Variants in DGKI observed in about 807,000 individuals in gnomAD.
The protein encoded by DGKI is DAG kinase iota.
DGKI carries 55 observed loss-of-function variants against 147.5 expected under a neutral mutation model. The observed-to-expected ratio is 0.37, with a 90% CI of 0.30 to 0.47. The LOEUF is 0.47. Among genes scored for constraint, DGKI ranks in the 20% least tolerant of loss-of-function variants. DGKI has a pLI of 1.00. For synonymous variants in DGKI, 469 were observed against 477.1 expected (o/e 0.98, Z 0.22); for missense variants, 1,007 against 1,323.8 (o/e 0.76, Z 3.71).
intron 1 of DGKI, among the ~76,000 whole-genome samples, chr7:137,782,520 T>C (rs1301045291): frequency 6.6e-6 from 1 of 152,128 alleles, no homozygotes; most frequent in Non-Finnish European, 1.5e-5. Context: ...CCTAGCCTGG[T>C]AGCCAAAGAC....
At chr7:137,493,655 G>A (rs1377381226) in intron 21 of DGKI, 2 of 677,712 alleles carry the variant, frequency 3.0e-6, no homozygotes, top group Non-Finnish European at 5.3e-6. Flanking sequence ...GAAAATGAAA[G>A]CAAACAAAAA....
chr7:137,844,671 G>C (rs945565564), intron 1 of DGKI, among the ~76,000 whole-genome samples: 1 of 152,202 alleles, frequency 6.6e-6, no homozygotes, highest in African/African-American at 2.4e-5. Context: ...GTCTATGCTT[G>C]TGTGTGTACA....
intron 1 of DGKI, among the ~76,000 whole-genome samples, chr7:137,729,719 G>A (rs1477380744): frequency 2.0e-5 from 3 of 151,882 alleles, no homozygotes; most frequent in African/African-American, 4.8e-5. Context: ...CAAAAACAAT[G>A]GATATGTTTC....
At chr7:137,408,855 G>A (rs1360862211) in intron 29 of DGKI, among the ~76,000 whole-genome samples, 2 of 152,186 alleles carry the variant, frequency 1.3e-5, no homozygotes, top group African/African-American at 4.8e-5. Context: ...TGACAAGAGT[G>A]CCTGCATGAA....
In DGKI at chr7:137,846,908, C is replaced by A; in HGVS notation, c.-46G>T. ...GGCATTGTGGGAAACTCCGCTCACT[C>A]CCCCGCCCCGGCCAATCAGAGGCCG... On this transcript the variant is annotated 5_prime_UTR_variant, in exon 1 of 33. Coordinates refer to ENST00000614521, the MANE Select transcript of DGKI (RefSeq NM_001321708.2). The surrounding 1 kb of genome is among the most constrained non-coding windows in gnomAD (Gnocchi z 4.0). The A allele has an allele frequency of 1.8e-6, 2 of 1,117,234 alleles. No homozygotes were observed. Among genetic ancestry groups the A allele is most frequent in the African/African-American group, 1.6e-5 (1 of 60,868 alleles). The allele number at this position is 1,117,234 out of a possible 1,614,324, so 69.2% of individuals were successfully genotyped here.
chr7:137,686,893 A>G (rs898468449), intron 2 of DGKI, among the ~76,000 whole-genome samples: 1 of 152,186 alleles, frequency 6.6e-6, no homozygotes, highest in Non-Finnish European at 1.5e-5. Context: ...GGATTCCACA[A>G]TAAGTAGAAA....
At chr7:137,455,693 G>A (rs2128922491) in intron 27 of DGKI, among the ~76,000 whole-genome samples, 1 of 150,936 alleles carries the variant, frequency 6.6e-6, no homozygotes, top group African/African-American at 2.4e-5. Context: ...AATAAGTAGT[G>A]CTAGCATGGT....
intron 1 of DGKI, among the ~76,000 whole-genome samples, chr7:137,733,744 G>T (rs1006620026): frequency 6.6e-6 from 1 of 152,048 alleles, no homozygotes; most frequent in Admixed American, 6.6e-5. Context: ...AACTCAAAAG[G>T]TGGAGATGGG....
rs369436104 is a variant in DGKI, at chr7:137,758,198, C to T, written c.402-68196G>A. Among the ~76,000 whole-genome samples the T allele has an allele frequency of 9.7e-4, 148 of 152,330 alleles. 2 individuals are homozygous for T. The South Asian group carries it at 0.015, about 16-fold the overall frequency. Reference sequence around the variant, plus strand: ...GAAGTCTCAGCAATGATATCTGAAACACCCACACTTATGGAACCAGTGGGG... The same window carrying T: ...GAAGTCTCAGCAATGATATCTGAAATACCCACACTTATGGAACCAGTGGGG... On this transcript the variant is annotated intron_variant, in intron 1 of 32. Transcript: ENST00000614521.
At chr7:137,809,544 T>C (rs568701954) in intron 1 of DGKI, among the ~76,000 whole-genome samples, 1 of 152,286 alleles carries the variant, frequency 6.6e-6, no homozygotes, top group South Asian at 2.1e-4. Flanking sequence ...ATAGACACTT[T>C]AGGCATGTCC....
chr7:137,394,502 C>T (rs1811477837), intron 32 of DGKI, among the ~76,000 whole-genome samples: 1 of 152,082 alleles, frequency 6.6e-6, no homozygotes, highest in Non-Finnish European at 1.5e-5. Flanking sequence ...TAAGCTACAA[C>T]TCCTCCTTCC....
At chr7:137,437,022 A>G (rs1245447870) in intron 28 of DGKI, among the ~76,000 whole-genome samples, 1 of 152,204 alleles carries the variant, frequency 6.6e-6, no homozygotes, top group Non-Finnish European at 1.5e-5. Flanking sequence ...TGTCACCTGC[A>G]TCATGACCAC....
intron 19 of DGKI, among the ~76,000 whole-genome samples, chr7:137,556,901 T>A (rs755712160): frequency 8.5e-4 from 129 of 152,346 alleles, no homozygotes; most frequent in Non-Finnish European, 1.5e-3. Context: ...AGTATTTTTT[T>A]AATGAGATTA....
In DGKI at chr7:137,388,313, T is replaced by C. The variant is rs188550996; in HGVS notation, c.*2907A>G. On this transcript the variant is annotated 3_prime_UTR_variant, in exon 33 of 33. Coordinates refer to ENST00000614521, the MANE Select transcript of DGKI (RefSeq NM_001321708.2). ...AATGACTACCTTTCAGGTTACAGAA[T>C]GTTGTCTTTTAATAACTCTTCATTT... The C allele has an allele frequency of 1.6e-4, 25 of 152,274 alleles. No individual in the cohort carries two copies. The highest frequency in any genetic ancestry group is 5.8e-4 in the African/African-American group (24 of 41,566). 9.4% of individuals were successfully genotyped at this position (152,274 alleles called of 1,614,324 possible). A position where few individuals can be genotyped will look rare whatever the true frequency, so the allele number is the denominator to read the frequency against.
In DGKI at chr7:137,549,102, A is replaced by T. The variant is rs1000430193; in HGVS notation, c.2147+3267T>A. Among the ~76,000 whole-genome samples the T allele has an allele frequency of 3.3e-5, 5 of 152,336 alleles. No homozygotes were observed. In the South Asian group the frequency reaches 6.2e-4, roughly 19 times the overall value. On this transcript the variant is annotated intron_variant, in intron 20 of 32. Coordinates refer to ENST00000614521, the MANE Select transcript of DGKI (RefSeq NM_001321708.2). ...CAGAGGCCAGGAACAGGACAAATGA[A>T]TGGATGGTAGTTTCATGTGTACAGC...
chr7:137,428,018 A>G (rs1431755491), intron 28 of DGKI, among the ~76,000 whole-genome samples: 3 of 150,476 alleles, frequency 2.0e-5, no homozygotes, highest in Admixed American at 6.6e-5. Flanking sequence ...TCCAATCAAT[A>G]GAAAAAGAGG....
intron 21 of DGKI, among the ~76,000 whole-genome samples, chr7:137,510,809 C>G (rs1057112798): frequency 2.0e-5 from 3 of 152,162 alleles, no homozygotes; most frequent in Non-Finnish European, 4.4e-5. Context: ...CTAAAATCAG[C>G]TGAAGGGGCC....
chr7:137,833,253 A>T (rs559590049), intron 1 of DGKI, among the ~76,000 whole-genome samples: 133 of 152,236 alleles, frequency 8.7e-4, no homozygotes, highest in Middle Eastern at 6.8e-3. Context: ...GCTGGTAAAG[A>T]CATACCCGAG....
intron 6 of DGKI, among the ~76,000 whole-genome samples, chr7:137,630,666 A>T (rs1821096400): frequency 6.6e-6 from 1 of 152,238 alleles, no homozygotes; most frequent in African/African-American, 2.4e-5. Context: ...TTTAATTTAC[A>T]TTAACTATTT....
Sources: gnomAD v4.1 joint callset for allele counts (sites outside exome capture counted in the v4.1 genomes callset) on GRCh38, gnomAD v4.1.1 for gene constraint, Gnocchi (gnomAD v3.1) non-coding constraint, MANE v1.5 for transcripts, NCBI Gene and HGNC (gene_info 2026-07-23, HGNC 2026-07-21) for gene names.